Variants in ADAM17 observed in about 807,000 individuals in gnomAD.
The protein encoded by ADAM17 is disintegrin and metalloproteinase domain-containing protein 17.
ADAM17 carries 39 observed loss-of-function variants against 96.7 expected under a neutral mutation model. The observed-to-expected ratio is 0.40, with a 90% CI of 0.31 to 0.53. The LOEUF is 0.53. ADAM17 is among the 20% of genes least tolerant of loss of function. The probability of loss-of-function intolerance (pLI) is 0.44; values close to 1 mark genes in which losing one functional copy is unlikely to be tolerated. For synonymous variants in ADAM17, 344 were observed against 359.2 expected (o/e 0.96, Z 0.48); for missense variants, 777 against 1,013.2 (o/e 0.77, Z 3.17).
chr2:9,511,436 G>A (rs142909855), intron 10 of ADAM17, among the ~76,000 whole-genome samples: 40 of 151,638 alleles, frequency 2.6e-4, no homozygotes, highest in African/African-American at 9.0e-4. Flanking sequence ...GGCAACAAGA[G>A]TGAAACTCTA....
At chr2:9,553,025 G>A (rs192546828) in intron 1 of ADAM17, among the ~76,000 whole-genome samples, 14 of 152,080 alleles carry the variant, frequency 9.2e-5, no homozygotes, top group Middle Eastern at 3.4e-3. Context: ...TCAATCTAAT[G>A]GTAAGGTTAA....
chr2:9,497,728 ACT>A (rs1321099364), intron 13 of ADAM17, among the ~76,000 whole-genome samples: 3 of 151,360 alleles, frequency 2.0e-5, no homozygotes, highest in African/African-American at 7.3e-5. Context: ...TGGTGTTTCC[ACT>A]CTTTTGGGGC....
At chr2:9,515,289 T>C (rs1664001128) in intron 10 of ADAM17, among the ~76,000 whole-genome samples, 1 of 152,204 alleles carries the variant, frequency 6.6e-6, no homozygotes, top group Non-Finnish European at 1.5e-5. Context: ...TTATTTTACT[T>C]AGTAGTATGC....
In ADAM17 at chr2:9,510,048, C is replaced by A. The variant is rs769427627; in HGVS notation, c.1275G>T (p.Pro425=). Residue 425 remains proline, a synonymous_variant, in exon 11 of 19, where the codon CCG becomes CCT. Coordinates refer to ENST00000310823, the MANE Select transcript of ADAM17 (RefSeq NM_003183.6). ...HDPDGLAECA[P]NEDQGGKYVM... Reference sequence around the variant, plus strand: ...CATATTTCCCTCCCTGGTCCTCATTCGGGGCACATTCTGCTAGACCATCCG... The same window carrying A: ...CATATTTCCCTCCCTGGTCCTCATTAGGGGCACATTCTGCTAGACCATCCG... The A allele has an allele frequency of 1.2e-6, 2 of 1,614,138 alleles. No individual in the cohort carries two copies. The highest frequency in any genetic ancestry group is 1.7e-6 in the Non-Finnish European group (2 of 1,180,020).
chr2:9,519,373 A>G (rs1417130918), intron 8 of ADAM17, among the ~76,000 whole-genome samples: 1 of 152,070 alleles, frequency 6.6e-6, no homozygotes, highest in African/African-American at 2.4e-5. Context: ...AACATAAGTC[A>G]TTTTTCTCTT....
intron 6 of ADAM17, 56 bp downstream of exon 6, chr2:9,526,055 G>A: frequency 6.7e-7 from 1 of 1,497,506 alleles, no homozygotes. Flanking sequence ...AAGTTTCATG[G>A]AATGTACCCA....
chr2:9,549,773 C>CT (rs1325922726), intron 1 of ADAM17, among the ~76,000 whole-genome samples: 4 of 152,174 alleles, frequency 2.6e-5, no homozygotes, highest in African/African-American at 9.7e-5. Context: ...TCCCCCTTAG[C>CT]TTTCCAAAAT....
In ADAM17 at chr2:9,518,026, A is replaced by T. The variant is rs778409614; in HGVS notation, c.1103-37T>A. 1.1e-5 allele frequency: 18 copies of T among 1,578,684 alleles called. No individual in the cohort carries two copies. The African/African-American group carries it at 1.5e-4, about 13-fold the overall frequency. On this transcript the variant is annotated intron_variant, in intron 9 of 18. Transcript: ENST00000310823. ...AGGAAACAGAGATAAATTGCTTATT[A>T]AATACAGAATTATAATATAATCCAA...
chr2:9,513,912 G>C (rs1663882299), intron 10 of ADAM17, among the ~76,000 whole-genome samples: 1 of 151,006 alleles, frequency 6.6e-6, no homozygotes, highest in South Asian at 2.1e-4. Flanking sequence ...TCAGGAGAAA[G>C]AGGCAGGAGA....
chr2:9,503,013 G>T (rs1663109371), intron 12 of ADAM17, among the ~76,000 whole-genome samples: 1 of 150,840 alleles, frequency 6.6e-6, no homozygotes, highest in South Asian at 2.1e-4. Flanking sequence ...GGTGCTACAT[G>T]CCTGTAATCC....
At chr2:9,524,655 G>A (rs1191500954) in intron 6 of ADAM17, among the ~76,000 whole-genome samples, 3 of 152,250 alleles carry the variant, frequency 2.0e-5, no homozygotes, top group Admixed American at 1.3e-4. Flanking sequence ...GTAAGGGGCC[G>A]TGGCAGACAA....
At chr2:9,530,981 A>G (rs1484259284) in intron 4 of ADAM17, among the ~76,000 whole-genome samples, 1 of 152,096 alleles carries the variant, frequency 6.6e-6, no homozygotes, top group Non-Finnish European at 1.5e-5. Flanking sequence ...TTTCTGAGAC[A>G]GAGTTTCACC....
chr2:9,554,997 C>T (rs2125049331), intron 1 of ADAM17, among the ~76,000 whole-genome samples: 1 of 152,230 alleles, frequency 6.6e-6, no homozygotes, highest in East Asian at 1.9e-4. Flanking sequence ...ACTCTTAAGA[C>T]TCCAACTCCA....
intron 10 of ADAM17, among the ~76,000 whole-genome samples, chr2:9,510,932 G>C (rs55694483): frequency 6.6e-6 from 1 of 151,992 alleles, no homozygotes; most frequent in Non-Finnish European, 1.5e-5. Flanking sequence ...ATTGTAAGTA[G>C]TAACAAATCA....
rs764421133 is a variant in ADAM17 at position 9,542,998 on chromosome 2, C to T, written c.230+155G>A. Among the ~76,000 whole-genome samples the T allele has an allele frequency of 5.9e-5, 9 of 152,122 alleles. 1 individual carries two copies. Among genetic ancestry groups the T allele is most frequent in the Non-Finnish European group, 1.3e-4 (9 of 68,024 alleles). ...TAGGCGTGAGCCACTGCACCCAGCCCCAGTATGAATTTTAGAATAAGCATT... is the reference window on the plus strand; with the variant it reads ...TAGGCGTGAGCCACTGCACCCAGCCTCAGTATGAATTTTAGAATAAGCATT... On this transcript the variant is annotated intron_variant, in intron 2 of 18. Coordinates refer to ENST00000310823, the MANE Select transcript of ADAM17 (RefSeq NM_003183.6).
chr2:9,496,497 G>GT (rs1662611698), intron 14 of ADAM17: 1 of 152,344 alleles, frequency 6.6e-6, no homozygotes, highest in African/African-American at 2.4e-5. Context: ...GTGGGAAGCA[G>GT]AGTCCAGCCA....
chr2:9,522,491 C>A (rs1664355004), intron 7 of ADAM17: 4 of 563,324 alleles, frequency 7.1e-6, no homozygotes, highest in East Asian at 5.7e-5. Context: ...AAAAATAATT[C>A]TCTTAGTTTT....
Position 9,505,371 on chromosome 2 carries a change from G to C in ADAM17, c.1345-6C>G, listed in dbSNP as rs745857639. 37 of 1,612,490 alleles carry C rather than the reference G, an allele frequency of 2.3e-5. No homozygotes were observed. Among genetic ancestry groups the C allele is most frequent in the South Asian group, 1.6e-4 (15 of 91,028 alleles). ...TTACTGCAGTTTGAAAACATCTTGA[G>C]AGAAAAAAGGCAATAAGGACCCAAA... On this transcript the variant is annotated splice_region_variant and splice_polypyrimidine_tract_variant and intron_variant, in intron 11 of 18. Transcript: ENST00000310823.
chr2:9,536,952 C>T (rs1572949936), intron 2 of ADAM17, 124 bp from the exon 3 acceptor site: 6 of 1,148,024 alleles, frequency 5.2e-6, no homozygotes, highest in African/African-American at 1.6e-5. Flanking sequence ...CAAGTTACAA[C>T]TAAAGTCTTA....
Sources: gnomAD v4.1 joint callset for allele counts (sites outside exome capture counted in the v4.1 genomes callset) on GRCh38, gnomAD v4.1.1 for gene constraint, MANE v1.5 for transcripts, NCBI Gene and HGNC (gene_info 2026-07-23, HGNC 2026-07-21) for gene names.